The following STK39 variants were observed in gnomAD, a reference collection of about 807,000 sequenced individuals.
STK39 encodes STE20/SPS1-related proline-alanine-rich protein kinase.
Under a neutral mutation model 77.8 loss-of-function variants are expected in STK39, and 20 were observed. That is an observed-to-expected ratio of 0.26 (90% CI 0.18 to 0.37). STK39 has a LOEUF of 0.37. STK39 is among the 10% of genes least tolerant of loss of function. STK39 has a pLI of 1.00. For missense variants in STK39, 479 were observed against 656.5 expected, an observed-to-expected ratio of 0.73 and a Z score of 2.95; for synonymous variants, 246 against 234.1, an observed-to-expected ratio of 1.05 and a Z score of -0.47.
Position 168,071,082 on chromosome 2 carries a change from G to A in STK39, c.1242+3900C>T, listed in dbSNP as rs554812528. Among the ~76,000 whole-genome samples, 6 of 152,126 alleles carry A rather than the reference G, an allele frequency of 3.9e-5. No homozygotes were observed. In the South Asian group the frequency reaches 1.2e-3, roughly 32 times the overall value. On this transcript the variant is annotated intron_variant, in intron 12 of 17. Coordinates refer to ENST00000355999, the MANE Select transcript of STK39 (RefSeq NM_013233.3). ...CTCATACTTCCTAGGAGGTCAAATA[G>A]CCCCTCACTCATTAAGCTTTCCTAA...
intron 13 of STK39, 93 bp from the exon 14 acceptor site, chr2:168,063,663 T>C: frequency 8.4e-7 from 1 of 1,193,866 alleles, no homozygotes; most frequent in East Asian, 2.5e-5. Context: ...AGCCATTTCT[T>C]TCTGGAAATT....
At chr2:168,111,357 A>T (rs1460778464) in intron 10 of STK39, among the ~76,000 whole-genome samples, 1 of 152,178 alleles carries the variant, frequency 6.6e-6, no homozygotes, top group Non-Finnish European at 1.5e-5. Context: ...AGTTATTTTA[A>T]TACAGGCCCA....
At chr2:168,164,546 A>G (rs935680600) in intron 3 of STK39, among the ~76,000 whole-genome samples, 1 of 152,168 alleles carries the variant, frequency 6.6e-6, no homozygotes, top group Non-Finnish European at 1.5e-5. Flanking sequence ...AGCTGGGACT[A>G]CAAGTACGTG....
At position 168,023,376 on chromosome 2, in the gene STK39, C is replaced by G. The variant is rs184975832; in HGVS notation, c.1377-6281G>C. Among the ~76,000 whole-genome samples the G allele has an allele frequency of 2.8e-3, 419 of 151,606 alleles. 2 individuals are homozygous for G. Among genetic ancestry groups the G allele is most frequent in the African/African-American group, 9.5e-3 (393 of 41,264 alleles). ...GTTCATCTTCAAGTGACACAACGAA[C>G]AATCAAACGAGGCAGCTGGCTAAGA... On this transcript the variant is annotated intron_variant, in intron 14 of 17. Transcript: ENST00000355999.
At chr2:167,972,563 C>T (rs186502863) in intron 16 of STK39, among the ~76,000 whole-genome samples, 199 of 152,046 alleles carry the variant, frequency 1.3e-3, no homozygotes, top group African/African-American at 4.4e-3. Flanking sequence ...ACTGTGTGGC[C>T]TTTACCATTT....
chr2:168,014,549 T>C (rs1264694837), intron 15 of STK39, among the ~76,000 whole-genome samples: 1 of 152,106 alleles, frequency 6.6e-6, no homozygotes, highest in Non-Finnish European at 1.5e-5. Flanking sequence ...TAATGGAAGT[T>C]GGGGTAGCAT....
intron 3 of STK39, among the ~76,000 whole-genome samples, chr2:168,166,625 C>T (rs1559129332): frequency 6.6e-6 from 1 of 152,192 alleles, no homozygotes; most frequent in Non-Finnish European, 1.5e-5. Flanking sequence ...AAGTCCACAA[C>T]CTAAATATGC....
chr2:168,013,196 T>C (rs1684314646), intron 15 of STK39, among the ~76,000 whole-genome samples: 1 of 152,234 alleles, frequency 6.6e-6, no homozygotes, highest in South Asian at 2.1e-4. Context: ...GCAATTTAAA[T>C]GTATGCTATT....
chr2:167,959,710 CAAT>C (rs1174905164), intron 17 of STK39, among the ~76,000 whole-genome samples: 5 of 152,144 alleles, frequency 3.3e-5, no homozygotes, highest in Admixed American at 1.3e-4. Context: ...TCAATAAAGT[CAAT>C]AATGTTTCCT....
At chr2:168,001,425 A>G (rs1683998491) in intron 16 of STK39, among the ~76,000 whole-genome samples, 1 of 152,126 alleles carries the variant, frequency 6.6e-6, no homozygotes, top group African/African-American at 2.4e-5. Context: ...TCTGGGGTAC[A>G]TGTATTTTTA....
At chr2:168,082,524 G>C (rs2105418234) in intron 10 of STK39, among the ~76,000 whole-genome samples, 1 of 152,298 alleles carries the variant, frequency 6.6e-6, no homozygotes, top group East Asian at 1.9e-4. Flanking sequence ...AGACACTGCT[G>C]AACTCCATTC....
At chr2:168,173,388 G>A (rs2390640) in intron 2 of STK39, among the ~76,000 whole-genome samples, 39,847 of 151,906 alleles carry the variant, frequency 0.26, 5,861 homozygotes, top group East Asian at 0.56. Flanking sequence ...ACAAATAACC[G>A]AATACTGTTA....
intron 1 of STK39, among the ~76,000 whole-genome samples, chr2:168,200,517 A>T (rs1295357120): frequency 1.3e-5 from 2 of 151,884 alleles, no homozygotes; most frequent in African/African-American, 2.4e-5. Flanking sequence ...ATACAAAAAA[A>T]AAATAAAAAA....
At position 167,980,757 on chromosome 2, in the gene STK39, T is replaced by G. The variant is rs865866266; in HGVS notation, c.1499-16031A>C. Among the ~76,000 whole-genome samples the G allele has an allele frequency of 9.6e-3, 1,456 of 151,324 alleles. 23 individuals carry two copies. Among genetic ancestry groups the G allele is most frequent in the African/African-American group, 0.033 (1,360 of 41,256 alleles). On this transcript the variant is annotated intron_variant, in intron 16 of 17. Transcript: ENST00000355999. ...TTACCTTCATTTCTTGTTGTTGTTT[T>G]TTTTTTTTTTTAAATGTGTAGTAAT...
intron 10 of STK39, among the ~76,000 whole-genome samples, chr2:168,123,143 A>C (rs771986795): frequency 3.0e-4 from 45 of 152,230 alleles, no homozygotes; most frequent in Non-Finnish European, 5.9e-4. Flanking sequence ...ACACAGACCT[A>C]AACGGAGGGA....
intron 16 of STK39, among the ~76,000 whole-genome samples, chr2:168,007,305 A>C (rs926251429): frequency 6.6e-5 from 10 of 152,188 alleles, no homozygotes; most frequent in African/African-American, 2.4e-4. Context: ...AGAATCCTAT[A>C]TCTCAAAGTA....
chr2:168,089,469 A>T (rs1187035157), intron 10 of STK39, among the ~76,000 whole-genome samples: 1 of 152,250 alleles, frequency 6.6e-6, no homozygotes, highest in Non-Finnish European at 1.5e-5. Flanking sequence ...ATGGAAGGAT[A>T]AGTTGCCTAA....
chr2:167,992,993 C>T (rs1683739737), intron 16 of STK39, among the ~76,000 whole-genome samples: 1 of 152,200 alleles, frequency 6.6e-6, no homozygotes, highest in Non-Finnish European at 1.5e-5. Context: ...GGTTTCTTCT[C>T]TGCTTTAATA....
At chr2:167,995,031 G>A (rs1024769603) in intron 16 of STK39, among the ~76,000 whole-genome samples, 2 of 151,642 alleles carry the variant, frequency 1.3e-5, no homozygotes, top group African/African-American at 2.4e-5. Flanking sequence ...GAAGTCTACA[G>A]TATTTTACAC....
Sources: gnomAD v4.1 joint callset for allele counts (sites outside exome capture counted in the v4.1 genomes callset) on GRCh38, gnomAD v4.1.1 for gene constraint, MANE v1.5 for transcripts, NCBI Gene and HGNC (gene_info 2026-07-23, HGNC 2026-07-21) for gene names.